The following ENAH variants were observed in gnomAD, a reference collection of about 807,000 sequenced individuals.
ENAH encodes protein enabled homolog.
A neutral mutation model predicts 78.7 loss-of-function variants in ENAH; 23 were observed. That is an observed-to-expected ratio of 0.29 (90% confidence interval 0.21 to 0.41). ENAH has a LOEUF of 0.41. Among genes scored for constraint, ENAH ranks in the 10% least tolerant of loss-of-function variants. The probability of loss-of-function intolerance (pLI) is 1.00; values close to 1 mark genes in which losing one functional copy is unlikely to be tolerated. For missense variants in ENAH, 544 were observed against 691.0 expected, an observed-to-expected ratio of 0.79 and a Z score of 2.39; for synonymous variants, 226 against 241.0, an observed-to-expected ratio of 0.94 and a Z score of 0.58.
chr1:225,587,090 A>T (rs2096851400), intron 1 of ENAH, among the ~76,000 whole-genome samples: 5 of 152,326 alleles, frequency 3.3e-5, no homozygotes, highest in Admixed American at 3.3e-4. Context: ...AGAACATCAT[A>T]CTTAATTTTG....
At chr1:225,641,331 A>G (rs1272880737) in intron 1 of ENAH, among the ~76,000 whole-genome samples, 3 of 149,058 alleles carry the variant, frequency 2.0e-5, no homozygotes, top group African/African-American at 4.9e-5. Context: ...TAAAGGTACC[A>G]TGTCGAACCC....
In ENAH at chr1:225,493,593, A is replaced by G. The variant is rs2151002581; in HGVS notation, c.*4182T>C. ...ATATGAACTCATCTTTCTATTAAAA[A>G]CAAAAGTGGTGCTACCAGAAAAAGG... On this transcript the variant is annotated 3_prime_UTR_variant, in exon 14 of 14. Transcript: ENST00000366843. The G allele has an allele frequency of 6.6e-6, 1 of 152,330 alleles. No homozygotes were observed. The highest frequency in any genetic ancestry group is 6.5e-5 in the Admixed American group (1 of 15,302). 9.4% of individuals were successfully genotyped at this position (152,330 alleles called of 1,614,324 possible). A position where few individuals can be genotyped will look rare whatever the true frequency, so the allele number is the denominator to read the frequency against.
In ENAH at chr1:225,567,430, T is replaced by C; in HGVS notation, c.6-16A>G. The C allele has an allele frequency of 6.3e-7, 1 of 1,595,232 alleles. No homozygotes were observed. Among genetic ancestry groups the C allele is most frequent in the Non-Finnish European group, 8.5e-7 (1 of 1,171,262 alleles). On this transcript the variant is annotated splice_polypyrimidine_tract_variant and intron_variant, in intron 1 of 13. Transcript: ENST00000366843. ...ACTCTGTTCACTGTAAAAAATAAAATAAAATATTCAAACTTGCAATATTTA... is the reference window on the plus strand; with the variant it reads ...ACTCTGTTCACTGTAAAAAATAAAACAAAATATTCAAACTTGCAATATTTA...
chr1:225,609,070 G>C (rs1006916701), intron 1 of ENAH, among the ~76,000 whole-genome samples: 1 of 151,818 alleles, frequency 6.6e-6, no homozygotes, highest in Non-Finnish European at 1.5e-5. Flanking sequence ...ACAATGAAAA[G>C]CAACAGAATA....
chr1:225,491,438 C>T lies in ENAH; in HGVS notation c.*6337G>A, dbSNP rs940643014. On this transcript the variant is annotated 3_prime_UTR_variant, in exon 14 of 14. Coordinates refer to ENST00000366843, the MANE Select transcript of ENAH (RefSeq NM_018212.6). ...GATTACAGGCGTGAGCCACCATGCC[C>T]GGCCATGAAACATTTATTTTTAAAA... 6.7e-6 allele frequency: 1 copy of T among 150,226 alleles called. No individual in the cohort carries two copies. The highest frequency in any genetic ancestry group is 2.0e-4 in the East Asian group (1 of 5,098). 9.3% of individuals were successfully genotyped at this position (150,226 alleles called of 1,614,324 possible).
intron 1 of ENAH, among the ~76,000 whole-genome samples, chr1:225,589,773 A>G (rs2096866503): frequency 6.6e-6 from 1 of 152,188 alleles, no homozygotes. Flanking sequence ...TATTAATAGT[A>G]GGCTCTAGAT....
At chr1:225,545,243 C>T (rs2096607753) in intron 3 of ENAH, among the ~76,000 whole-genome samples, 2 of 152,176 alleles carry the variant, frequency 1.3e-5, no homozygotes, top group South Asian at 4.1e-4. Flanking sequence ...GACACACGGC[C>T]TTTAAGATTT....
intron 1 of ENAH, among the ~76,000 whole-genome samples, chr1:225,601,671 T>C (rs1558888961): frequency 6.6e-6 from 1 of 152,114 alleles, no homozygotes; most frequent in African/African-American, 2.4e-5. Flanking sequence ...CCTAAACATT[T>C]ATATTACTAA....
At chr1:225,572,416 A>G (rs183209092) in intron 1 of ENAH, among the ~76,000 whole-genome samples, 2 of 152,302 alleles carry the variant, frequency 1.3e-5, no homozygotes, top group East Asian at 3.9e-4. Context: ...ATTTAAAATG[A>G]TATTTCTGGA....
At chr1:225,510,560 G>GT (rs1312548947) in intron 10 of ENAH, among the ~76,000 whole-genome samples, 1 of 152,004 alleles carries the variant, frequency 6.6e-6, no homozygotes, top group Non-Finnish European at 1.5e-5. Flanking sequence ...CCTATTCAGA[G>GT]GGAAAACAAA....
chr1:225,530,745 GTCT>G (rs905098954), intron 3 of ENAH, 107 bp from the exon 4 acceptor site: 23 of 874,678 alleles, frequency 2.6e-5, no homozygotes, highest in African/African-American at 3.4e-5. Context: ...TTACAAACGT[GTCT>G]TCTTTTTGTC....
At chr1:225,604,291 A>T (rs2096944119) in intron 1 of ENAH, among the ~76,000 whole-genome samples, 1 of 152,148 alleles carries the variant, frequency 6.6e-6, no homozygotes, top group South Asian at 2.1e-4. Context: ...CAGTGAAGTT[A>T]TTACTGTTTC....
intron 1 of ENAH, among the ~76,000 whole-genome samples, chr1:225,613,181 A>G (rs2097001308): frequency 6.6e-6 from 1 of 152,110 alleles, no homozygotes; most frequent in African/African-American, 2.4e-5. Flanking sequence ...CTGCTCTCCA[A>G]TGACTGCCTC....
Position 225,593,613 on chromosome 1 carries a change from A to G in ENAH, c.6-26199T>C, listed in dbSNP as rs372893687. On this transcript the variant is annotated intron_variant, in intron 1 of 13. Coordinates refer to ENST00000366843, the MANE Select transcript of ENAH (RefSeq NM_018212.6). ...AGCTAAGAGTGATTTGGGAATCACT[A>G]GCATATGATGTTTTGTTCACACACT... Among the ~76,000 whole-genome samples, 111 of 152,330 alleles carry G rather than the reference A, an allele frequency of 7.3e-4. 1 individual carries two copies. Among genetic ancestry groups the G allele is most frequent in the African/African-American group, 2.5e-3 (104 of 41,582 alleles).
At chr1:225,641,928 G>A (rs1661134666) in intron 1 of ENAH, among the ~76,000 whole-genome samples, 1 of 152,116 alleles carries the variant, frequency 6.6e-6, no homozygotes, top group South Asian at 2.1e-4. Context: ...GGCTGAGGCA[G>A]GAGAATCACT....
intron 1 of ENAH, 146 bp from the exon 2 acceptor site, chr1:225,567,560 T>C (rs2096740979): frequency 8.0e-6 from 6 of 747,536 alleles, no homozygotes; most frequent in Admixed American, 3.4e-5. Flanking sequence ...AGAGGCTTCC[T>C]GTCTTTATGT....
chr1:225,568,989 G>T (rs1268497311), intron 1 of ENAH, among the ~76,000 whole-genome samples: 1 of 152,094 alleles, frequency 6.6e-6, no homozygotes, highest in East Asian at 1.9e-4. Context: ...ATACTTCTGG[G>T]AATGAAAACA....
At chr1:225,498,156 C>T (rs1024603585) in intron 13 of ENAH, among the ~76,000 whole-genome samples, 191 bp downstream of exon 13, 9 of 152,126 alleles carry the variant, frequency 5.9e-5, no homozygotes, top group Non-Finnish European at 1.0e-4. Context: ...TGTTTAATCC[C>T]TATTTATAAA....
rs558200472 is a variant in ENAH at position 225,638,810 on chromosome 1, G to A, written c.5+13876C>T. Among the ~76,000 whole-genome samples, 51 of 152,262 alleles carry A rather than the reference G, an allele frequency of 3.3e-4. No homozygotes were observed. The South Asian group carries it at 6.4e-3, about 19-fold the overall frequency. ...TGCAATAAATTAGAGAATCTATAAC[G>A]ACATATATGTAAAAATGTAATACAG... is the stretch of plus-strand genomic sequence containing the variant. On this transcript the variant is annotated intron_variant, in intron 1 of 13. Coordinates refer to ENST00000366843, the MANE Select transcript of ENAH (RefSeq NM_018212.6).
Sources: allele counts gnomAD v4.1 joint callset (sites outside exome capture counted in the v4.1 genomes callset), GRCh38; gene constraint gnomAD v4.1.1; transcripts MANE v1.5; gene names NCBI Gene and HGNC (gene_info 2026-07-23, HGNC 2026-07-21).